ZKSCAN1: variants seen among roughly 807,000 people sequenced by gnomAD.
The protein encoded by ZKSCAN1 is zinc finger protein with KRAB and SCAN domains 1.
A neutral mutation model predicts 51.6 loss-of-function variants in ZKSCAN1; 14 were observed. The ratio of observed to expected loss-of-function variants is 0.27; its 90% CI spans 0.18 to 0.42. The LOEUF is 0.42. ZKSCAN1 is among the 10% of genes least tolerant of loss of function. ZKSCAN1 has a pLI of 1.00. For missense variants in ZKSCAN1, 531 were observed against 710.0 expected (o/e 0.75, Z 2.86); for synonymous variants, 263 against 261.5 (o/e 1.01, Z -0.06).
At chr7:100,044,613 G>A (rs899790336), downstream of ZKSCAN1, among the ~76,000 whole-genome samples, 4 of 151,132 alleles carry the variant, frequency 2.6e-5, no homozygotes, top group African/African-American at 9.8e-5. Flanking sequence ...CCCGGGAGGT[G>A]GAGCTTGCAA....
intron 1 of ZKSCAN1, chr7:100,016,746 A>C (rs1325746588): frequency 2.0e-5 from 3 of 152,198 alleles, no homozygotes; most frequent in Non-Finnish European, 4.4e-5. Context: ...CAAAGAAAGC[A>C]TTTATTGTAC....
rs1441619083 is a variant in ZKSCAN1, at chr7:100,040,766, C to T, written c.*6569C>T. 4 of 985,338 alleles carry T rather than the reference C, an allele frequency of 4.1e-6. No individual in the cohort carries two copies. The highest frequency in any genetic ancestry group is 6.1e-5 in the Admixed American group (1 of 16,264). The allele number at this position is 985,338 out of a possible 1,614,324, so 61.0% of individuals were successfully genotyped here. A position where few individuals can be genotyped will look rare whatever the true frequency, so the allele number is the denominator to read the frequency against. ...GGGTGTGCTGGGGTTGGTACCCGAG[C>T]GCCTTCCCCTCACCTCAACCAGAGA... is the stretch of plus-strand genomic sequence containing the variant. On this transcript the variant is annotated 3_prime_UTR_variant, in exon 6 of 6. Transcript: ENST00000324306.
intron 1 of ZKSCAN1, among the ~76,000 whole-genome samples, chr7:100,022,603 T>C (rs1790637196): frequency 6.6e-6 from 1 of 152,210 alleles, no homozygotes; most frequent in Non-Finnish European, 1.5e-5. Context: ...CTCATAAAAA[T>C]AGCAAAAGTA....
chr7:100,030,593 T>G (rs189308295), intron 5 of ZKSCAN1, among the ~76,000 whole-genome samples: 6 of 152,262 alleles, frequency 3.9e-5, no homozygotes, highest in Admixed American at 3.9e-4. Flanking sequence ...GCTAAGTAGT[T>G]TTTGCTCTTT....
rs899804569 is a variant in ZKSCAN1 at position 100,036,397 on chromosome 7, T to C, written c.*2200T>C. The C allele has an allele frequency of 3.0e-6, 3 of 985,296 alleles. No homozygotes were observed. The African/African-American group carries it at 5.2e-5, about 17-fold the overall frequency. The allele number at this position is 985,296 out of a possible 1,614,324, so 61.0% of individuals were successfully genotyped here. A position where few individuals can be genotyped will look rare whatever the true frequency, so the allele number is the denominator to read the frequency against. ...ATGGTTTTGTAGAAAACTCCTGTGC[T>C]TTTGAGCAAGGACTTTTGCCCTCTA... is the stretch of plus-strand genomic sequence containing the variant. On this transcript the variant is annotated 3_prime_UTR_variant, in exon 6 of 6. Coordinates refer to ENST00000324306, the MANE Select transcript of ZKSCAN1 (RefSeq NM_003439.4).
At chr7:100,017,201 G>A (rs906461349) in intron 1 of ZKSCAN1, among the ~76,000 whole-genome samples, 9 of 151,944 alleles carry the variant, frequency 5.9e-5, no homozygotes, top group Non-Finnish European at 1.3e-4. Context: ...AGTGTAAAGG[G>A]CAAAGGGCAA....
Position 100,038,159 on chromosome 7 carries a change from A to G in ZKSCAN1, c.*3962A>G. 1 of 985,422 alleles carries G rather than the reference A, an allele frequency of 1.0e-6. No homozygotes were observed. The highest frequency in any genetic ancestry group is 1.2e-6 in the Non-Finnish European group (1 of 829,934). The allele number at this position is 985,422 out of a possible 1,614,324, so 61.0% of individuals were successfully genotyped here. A position where few individuals can be genotyped will look rare whatever the true frequency, so the allele number is the denominator to read the frequency against. ...AATTGTTAACGTTAGGTACTTCTAT[A>G]TATTTTATATGACCATAATGTCCGT... On this transcript the variant is annotated 3_prime_UTR_variant, in exon 6 of 6. Transcript: ENST00000324306.
At chr7:100,032,873 T>C (rs1791171357) in intron 5 of ZKSCAN1, among the ~76,000 whole-genome samples, 1 of 152,104 alleles carries the variant, frequency 6.6e-6, no homozygotes, top group African/African-American at 2.4e-5. Flanking sequence ...CCGGGCGTGG[T>C]GGCGGGCGCC....
At position 100,037,172 on chromosome 7, in the gene ZKSCAN1, A is replaced by G; in HGVS notation, c.*2975A>G. On this transcript the variant is annotated 3_prime_UTR_variant, in exon 6 of 6. Coordinates refer to ENST00000324306, the MANE Select transcript of ZKSCAN1 (RefSeq NM_003439.4). ...CGCTTGCAACATCTAATTGGCGTTC[A>G]AGATAGTCATTCAAAAGTTCTTGGC... 1 of 985,452 alleles carries G rather than the reference A, an allele frequency of 1.0e-6. No homozygotes were observed. Among genetic ancestry groups the G allele is most frequent in the Non-Finnish European group, 1.2e-6 (1 of 829,926 alleles). The allele number at this position is 985,452 out of a possible 1,614,324, so 61.0% of individuals were successfully genotyped here.
Position 100,032,880 on chromosome 7 carries a change from C to T in ZKSCAN1, c.800-425C>T, listed in dbSNP as rs530958179. On this transcript the variant is annotated intron_variant, in intron 5 of 5. Coordinates refer to ENST00000324306, the MANE Select transcript of ZKSCAN1 (RefSeq NM_003439.4). ...AAAATTAGCCGGGCGTGGTGGCGGG[C>T]GCCTGTAGTCCCAGCTACTCAGGAG... Among the ~76,000 whole-genome samples, 16 of 152,162 alleles carry T rather than the reference C, an allele frequency of 1.1e-4. No homozygotes were observed. In the South Asian group the frequency reaches 3.1e-3, roughly 30 times the overall value.
intron 3 of ZKSCAN1, chr7:100,025,012 A>C (rs1428526893): frequency 6.6e-6 from 1 of 151,680 alleles, no homozygotes; most frequent in Non-Finnish European, 1.5e-5. Context: ...ATTACCAAAT[A>C]TTGGGGAAAA....
chr7:100,031,420 G>A (rs1791101254), intron 5 of ZKSCAN1, among the ~76,000 whole-genome samples: 1 of 151,804 alleles, frequency 6.6e-6, no homozygotes, highest in Non-Finnish European at 1.5e-5. Flanking sequence ...TGGGACTACA[G>A]GCATGCATCA....
Position 100,039,538 on chromosome 7 carries a change from A to C in ZKSCAN1, c.*5341A>C. On this transcript the variant is annotated 3_prime_UTR_variant, in exon 6 of 6. Coordinates refer to ENST00000324306, the MANE Select transcript of ZKSCAN1 (RefSeq NM_003439.4). ...GATTATTAGGAGAGAGGTTTTGCAA[A>C]GACTCGTTGCTGTGAAAGAATCTTT... The C allele has an allele frequency of 1.0e-6, 1 of 985,364 alleles. No individual in the cohort carries two copies. The highest frequency in any genetic ancestry group is 4.7e-5 in the South Asian group (1 of 21,282). 61.0% of individuals were successfully genotyped at this position (985,364 alleles called of 1,614,324 possible). A position where few individuals can be genotyped will look rare whatever the true frequency, so the allele number is the denominator to read the frequency against.
At chr7:100,018,534 G>A (rs536510611) in intron 1 of ZKSCAN1, among the ~76,000 whole-genome samples, 9 of 151,608 alleles carry the variant, frequency 5.9e-5, no homozygotes, top group Non-Finnish European at 1.3e-4. Flanking sequence ...GACTACAGGC[G>A]CCCGCCACCA....
rs561771051 is a variant in ZKSCAN1 at position 100,029,584 on chromosome 7, G to A, written c.581-277G>A. ...CCACTGGGAATGTGACATTAGGGAAGTCATTTGCAGTCTCAGGGACTCAAG... is the reference window on the plus strand; with the variant it reads ...CCACTGGGAATGTGACATTAGGGAAATCATTTGCAGTCTCAGGGACTCAAG... On this transcript the variant is annotated intron_variant, in intron 3 of 5. Transcript: ENST00000324306. Among the ~76,000 whole-genome samples the A allele has an allele frequency of 2.1e-3, 322 of 152,258 alleles. 1 individual carries two copies. The highest frequency in any genetic ancestry group is 3.4e-3 in the Middle Eastern group (1 of 294).
intron 1 of ZKSCAN1, among the ~76,000 whole-genome samples, chr7:100,020,684 T>G (rs953169480): frequency 3.9e-5 from 6 of 152,186 alleles, no homozygotes; most frequent in African/African-American, 1.4e-4. Context: ...ATTTTTGTGC[T>G]GTTATATGTA....
Position 100,036,382 on chromosome 7 carries a change from A to G in ZKSCAN1, c.*2185A>G. The G allele has an allele frequency of 2.0e-6, 2 of 985,442 alleles. No homozygotes were observed. Among genetic ancestry groups the G allele is most frequent in the Non-Finnish European group, 2.4e-6 (2 of 829,924 alleles). 61.0% of individuals were successfully genotyped at this position (985,442 alleles called of 1,614,324 possible). ...GAATAAGCCACAGCAATGGTTTTGT[A>G]GAAAACTCCTGTGCTTTTGAGCAAG... is the stretch of plus-strand genomic sequence containing the variant. On this transcript the variant is annotated 3_prime_UTR_variant, in exon 6 of 6. Coordinates refer to ENST00000324306, the MANE Select transcript of ZKSCAN1 (RefSeq NM_003439.4).
In ZKSCAN1 at chr7:100,023,014, A is replaced by AT. The variant is rs534107464; in HGVS notation, c.-88-392dup. Among the ~76,000 whole-genome samples, 809 of 146,318 alleles carry AT rather than the reference A, an allele frequency of 5.5e-3. 3 individuals are homozygous for AT. The highest frequency in any genetic ancestry group is 0.01 in the Middle Eastern group (3 of 286). ...ACAGTTTTTTCCTCGATTTGTCAGG[A>AT]TTTTTTTTTTTTTGACGGAGTTTAA... On this transcript the variant is annotated intron_variant, in intron 1 of 5. Transcript: ENST00000324306.
chr7:100,024,914 A>G, intron 3 of ZKSCAN1: 1 of 146,458 alleles, frequency 6.8e-6, no homozygotes, highest in Admixed American at 6.8e-5. Flanking sequence ...AAAAAAAAAA[A>G]AAAAAGAATT....
Sources: allele counts gnomAD v4.1 joint callset (sites outside exome capture counted in the v4.1 genomes callset), GRCh38; gene constraint gnomAD v4.1.1; transcripts MANE v1.5; gene names NCBI Gene and HGNC (gene_info 2026-07-23, HGNC 2026-07-21).